The following ALOX5AP variants were observed in gnomAD, a reference collection of about 807,000 sequenced individuals.
ALOX5AP encodes the protein arachidonate 5-lipoxygenase-activating protein.
A neutral mutation model predicts 18.5 loss-of-function variants in ALOX5AP; 9 were observed. The observed-to-expected ratio is 0.49, with a 90% CI of 0.29 to 0.85. The LOEUF is 0.85. ALOX5AP is among the 40% of genes least tolerant of loss of function. The pLI is 0.08. For synonymous variants in ALOX5AP, 81 were observed against 78.6 expected, an observed-to-expected ratio of 1.03 and a Z score of -0.16; for missense variants, 172 against 202.5, an observed-to-expected ratio of 0.85 and a Z score of 0.91.
At chr13:30,714,526 C>T (rs1186734931) in intron 1 of ALOX5AP, among the ~76,000 whole-genome samples, 1 of 147,520 alleles carries the variant, frequency 6.8e-6, no homozygotes, top group African/African-American at 2.5e-5. Flanking sequence ...CCCTGCATTC[C>T]TCTGGCTCCT....
At chr13:30,752,227 C>G (rs570802966) in intron 3 of ALOX5AP, 105 bp downstream of exon 3, 8 of 1,205,068 alleles carry the variant, frequency 6.6e-6, no homozygotes, top group Non-Finnish European at 9.6e-6. Flanking sequence ...CCTCTGGCTC[C>G]CATCTGTGAA....
At position 30,764,414 on chromosome 13, in the gene ALOX5AP, T is replaced by A. The variant is rs545380502; in HGVS notation, c.*308T>A. The A allele has an allele frequency of 3.8e-6, 1 of 263,954 alleles. No individual in the cohort carries two copies. Among genetic ancestry groups the A allele is most frequent in the East Asian group, 8.0e-5 (1 of 12,524 alleles). 16.4% of individuals were successfully genotyped at this position (263,954 alleles called of 1,614,324 possible). A position where few individuals can be genotyped will look rare whatever the true frequency, so the allele number is the denominator to read the frequency against. On this transcript the variant is annotated 3_prime_UTR_variant, in exon 5 of 5. Coordinates refer to ENST00000380490, the MANE Select transcript of ALOX5AP (RefSeq NM_001629.4). ...TTTCTTAAAATAAAATGCAGAGACA[T>A]GTTTTAAGCTGATAGTTGAGGGGTT...
rs769106402 is a variant in ALOX5AP, at chr13:30,764,080, A to G, written c.460A>G (p.Ile154Val). The change falls in exon 5 of 5, where the codon ATC (isoleucine) becomes GTC (valine). Residue 154 changes from isoleucine (I) to valine (V), a missense_variant. Ile to Val is a conservative substitution (Grantham distance 29). Coordinates refer to ENST00000380490, the MANE Select transcript of ALOX5AP (RefSeq NM_001629.4). ...ENYIKTISTT[I>V]SPLLLIP ...CTACATAAAGACGATCTCCACCACC[A>G]TCTCCCCTCTACTTCTCATTCCCTA... 1.2e-6 allele frequency: 2 copies of G among 1,613,960 alleles called. No individual in the cohort carries two copies. The highest frequency in any genetic ancestry group is 1.7e-6 in the Non-Finnish European group (2 of 1,180,006).
At chr13:30,748,253 A>T (rs899622350) in intron 2 of ALOX5AP, among the ~76,000 whole-genome samples, 10 of 152,150 alleles carry the variant, frequency 6.6e-5, no homozygotes, top group Admixed American at 4.6e-4. Context: ...GACTTGTAAA[A>T]TTATTTAAAG....
At chr13:30,753,086 C>A (rs1432789452) in intron 3 of ALOX5AP, among the ~76,000 whole-genome samples, 2 of 152,230 alleles carry the variant, frequency 1.3e-5, no homozygotes, top group Non-Finnish European at 2.9e-5. Flanking sequence ...TTCTAGAGGT[C>A]ACCTGGCGGT....
chr13:30,741,720 T>C (rs1951766960), intron 1 of ALOX5AP, among the ~76,000 whole-genome samples: 1 of 151,864 alleles, frequency 6.6e-6, no homozygotes, highest in African/African-American at 2.4e-5. Flanking sequence ...AGATTACTTA[T>C]AATACCTGAT....
Position 30,739,862 on chromosome 13 carries a change from A to C in ALOX5AP, c.70+4187A>C, listed in dbSNP as rs138378937. ...AATCATCTGACTTTAGAGAGTAGACACTTGCTCCATGCATATTGCCTCCAA... is the reference window on the plus strand; with the variant it reads ...AATCATCTGACTTTAGAGAGTAGACCCTTGCTCCATGCATATTGCCTCCAA... On this transcript the variant is annotated intron_variant, in intron 1 of 4. Coordinates refer to ENST00000380490, the MANE Select transcript of ALOX5AP (RefSeq NM_001629.4). Among the ~76,000 whole-genome samples the C allele has an allele frequency of 4.1e-3, 620 of 152,342 alleles. 1 individual carries two copies. The highest frequency in any genetic ancestry group is 6.0e-3 in the Non-Finnish European group (407 of 68,016).
intron 1 of ALOX5AP, among the ~76,000 whole-genome samples, chr13:30,720,810 G>T (rs11841531): frequency 0.13 from 20,165 of 152,144 alleles, 1,366 homozygotes; most frequent in South Asian, 0.2. Flanking sequence ...CAAAATTTTT[G>T]TCAATAAAAG....
chr13:30,757,554 G>A (rs1951906443), intron 4 of ALOX5AP, among the ~76,000 whole-genome samples: 5 of 152,094 alleles, frequency 3.3e-5, no homozygotes, highest in Admixed American at 2.6e-4. Flanking sequence ...TTAAGAGTGG[G>A]GGTGGAATGT....
At chr13:30,729,034 A>T (rs1275486962) in intron 1 of ALOX5AP, among the ~76,000 whole-genome samples, 1 of 152,168 alleles carries the variant, frequency 6.6e-6, no homozygotes, top group Non-Finnish European at 1.5e-5. Context: ...TTCCCTAGTG[A>T]TTAATGATGT....
upstream of ALOX5AP, among the ~76,000 whole-genome samples, chr13:30,732,186 G>A (rs1476577381): frequency 1.3e-5 from 2 of 152,176 alleles, no homozygotes; most frequent in East Asian, 1.9e-4. Flanking sequence ...GGCACCTCTC[G>A]CCAGGCGCCT....
chr13:30,737,702 T>C lies in ALOX5AP; in HGVS notation c.70+2027T>C, dbSNP rs118130212. ...CACATCACTGCCTCTGTCCCTCCAT[T>C]GTCACAGCTGCCCCTTAGGAGCCAG... On this transcript the variant is annotated intron_variant, in intron 1 of 4. Coordinates refer to ENST00000380490, the MANE Select transcript of ALOX5AP (RefSeq NM_001629.4). 4.3e-4 allele frequency among the ~76,000 whole-genome samples: 65 copies of C among 152,268 alleles called. No individual in the cohort carries two copies. The East Asian group carries it at 0.012, about 29-fold the overall frequency.
intron 4 of ALOX5AP, among the ~76,000 whole-genome samples, chr13:30,756,960 G>C (rs1253810566): frequency 6.6e-6 from 1 of 151,922 alleles, no homozygotes; most frequent in Non-Finnish European, 1.5e-5. Flanking sequence ...AGGAAATCTA[G>C]ATTTTAGTAA....
intron 3 of ALOX5AP, among the ~76,000 whole-genome samples, chr13:30,754,655 G>C (rs1033996584): frequency 6.6e-6 from 1 of 152,236 alleles, no homozygotes; most frequent in African/African-American, 2.4e-5. Context: ...TGGTGATAAA[G>C]TTTTGAAATC....
At chr13:30,727,201 G>A (rs1951646020) in intron 1 of ALOX5AP, among the ~76,000 whole-genome samples, 2 of 151,710 alleles carry the variant, frequency 1.3e-5, no homozygotes, top group Non-Finnish European at 1.5e-5. Context: ...TTATAGGTGC[G>A]CCAGGTTAAT....
intron 1 of ALOX5AP, among the ~76,000 whole-genome samples, chr13:30,738,826 G>C (rs1038928071): frequency 6.6e-6 from 1 of 152,138 alleles, no homozygotes; most frequent in Non-Finnish European, 1.5e-5. Context: ...TCCCCCAAGA[G>C]AGGCAGCCTC....
chr13:30,736,289 A>G (rs1951721203), intron 1 of ALOX5AP, among the ~76,000 whole-genome samples: 1 of 151,888 alleles, frequency 6.6e-6, no homozygotes, highest in African/African-American at 2.4e-5. Flanking sequence ...AGAAAGAGAG[A>G]GAGAGAGAGG....
chr13:30,743,006 A>G (rs1951780314), intron 1 of ALOX5AP, among the ~76,000 whole-genome samples: 1 of 151,880 alleles, frequency 6.6e-6, no homozygotes, highest in Non-Finnish European at 1.5e-5. Flanking sequence ...AGTTCCTGCC[A>G]CACTAAAGAC....
At chr13:30,754,865 T>C (rs1313843169) in intron 3 of ALOX5AP, among the ~76,000 whole-genome samples, 2 of 152,256 alleles carry the variant, frequency 1.3e-5, no homozygotes, top group African/African-American at 4.8e-5. Flanking sequence ...ATGGTGACAG[T>C]AACACACTCC....
Sources: allele counts gnomAD v4.1 joint callset (sites outside exome capture counted in the v4.1 genomes callset), GRCh38; gene constraint gnomAD v4.1.1; transcripts MANE v1.5; gene names NCBI Gene and HGNC (gene_info 2026-07-23, HGNC 2026-07-21).